The following VEPH1 variants were observed in gnomAD, a reference collection of about 807,000 sequenced individuals.
VEPH1 encodes the protein ventricular zone expressed PH domain containing 1, also known as ventricular zone-expressed PH domain-containing protein homolog 1.
VEPH1 carries 80 observed loss-of-function variants against 85.2 expected under a neutral mutation model. The ratio of observed to expected loss-of-function variants is 0.94; its 90% CI spans 0.78 to 1.13. The LOEUF (loss-of-function observed/expected upper bound fraction) is 1.13. Among genes scored for constraint, VEPH1 ranks in the 50% most tolerant of loss-of-function variants. VEPH1 has a pLI of 0.00. For missense variants in VEPH1, 955 were observed against 980.5 expected (o/e 0.97, Z 0.35); for synonymous variants, 297 against 348.0 (o/e 0.85, Z 1.63).
At chr3:157,438,262 C>T (rs1733831197) in intron 4 of VEPH1, among the ~76,000 whole-genome samples, 1 of 152,038 alleles carries the variant, frequency 6.6e-6, no homozygotes, top group Non-Finnish European at 1.5e-5. Context: ...GTCCACTGGC[C>T]CGTTATAACC....
chr3:157,351,483 C>T (rs544670176), intron 9 of VEPH1, among the ~76,000 whole-genome samples: 9 of 152,232 alleles, frequency 5.9e-5, no homozygotes, highest in East Asian at 3.9e-4. Context: ...CGTGAGCCAC[C>T]GCACTTGGCC....
At chr3:157,354,629 CT>C (rs1725228628) in intron 9 of VEPH1, among the ~76,000 whole-genome samples, 1 of 152,166 alleles carries the variant, frequency 6.6e-6, no homozygotes, top group Non-Finnish European at 1.5e-5. Context: ...TTTATCCCCC[CT>C]CCAACTTGTT....
At chr3:157,323,925 G>A (rs60979231) in intron 9 of VEPH1, among the ~76,000 whole-genome samples, 37,112 of 151,988 alleles carry the variant, frequency 0.24, 4,963 homozygotes, top group South Asian at 0.34. Flanking sequence ...GTGGGGTGAG[G>A]AGCATGCACA....
chr3:157,381,270 A>ATG lies in VEPH1; in HGVS notation c.1012_1013insCA (p.Phe338SerfsTer16), dbSNP rs776125482. 7.4e-6 allele frequency: 12 copies of ATG among 1,613,392 alleles called. No homozygotes were observed. The South Asian group carries it at 1.3e-4, about 18-fold the overall frequency. On this transcript the variant is annotated frameshift_variant, in exon 7 of 14. Transcript: ENST00000362010. LOFTEE classifies it high-confidence loss of function. ...GCTCTGAGGGCCCAAGATTGAGGAGAAGGTGTCGGTGATGCTTTTAATCTC... is the reference window on the plus strand; with the variant it reads ...GCTCTGAGGGCCCAAGATTGAGGAGATGAGGTGTCGGTGATGCTTTTAATCTC...
At chr3:157,388,135 A>G (rs1729497421) in intron 6 of VEPH1, among the ~76,000 whole-genome samples, 1 of 152,208 alleles carries the variant, frequency 6.6e-6, no homozygotes, top group African/African-American at 2.4e-5. Flanking sequence ...CACATCAAAG[A>G]TACACTTGCA....
At chr3:157,496,131 A>G (rs1170565120) in intron 1 of VEPH1, among the ~76,000 whole-genome samples, 2 of 152,270 alleles carry the variant, frequency 1.3e-5, no homozygotes, top group African/African-American at 2.4e-5. Context: ...TCTACTGAAC[A>G]TGAAGATGAA....
In VEPH1 at chr3:157,473,067, C is replaced by CTT. The variant is rs200991031; in HGVS notation, c.139-2540_139-2539dup. Among the ~76,000 whole-genome samples the CTT allele has an allele frequency of 7.4e-3, 609 of 82,674 alleles. 59 individuals are homozygous for CTT. The highest frequency in any genetic ancestry group is 0.028 in the African/African-American group (485 of 17,434). The allele number at this position is 82,674 out of a possible 152,430, so 54.2% of individuals were successfully genotyped here. A position where few individuals can be genotyped will look rare whatever the true frequency, so the allele number is the denominator to read the frequency against. ...ATTAGTTTTTGCTGATTAAATGAAC[C>CTT]TTTTTTTTTTTTTTTTTTTTTTTTT... On this transcript the variant is annotated intron_variant, in intron 2 of 13. Coordinates refer to ENST00000362010, the MANE Select transcript of VEPH1 (RefSeq NM_001167912.2).
At chr3:157,307,431 T>C (rs1169342318) in intron 11 of VEPH1, among the ~76,000 whole-genome samples, 1 of 152,012 alleles carries the variant, frequency 6.6e-6, no homozygotes, top group Non-Finnish European at 1.5e-5. Context: ...AATTGATCTA[T>C]ATGGTGTCTG....
intron 6 of VEPH1, among the ~76,000 whole-genome samples, chr3:157,409,051 A>C (rs1363967947): frequency 6.6e-6 from 1 of 152,042 alleles, no homozygotes; most frequent in African/African-American, 2.4e-5. Flanking sequence ...TTCGTTTATT[A>C]TATTGCTGCT....
At chr3:157,470,598 A>G (rs1369128153) in intron 2 of VEPH1, 69 bp from the exon 3 acceptor site, 14 of 1,477,234 alleles carry the variant, frequency 9.5e-6, no homozygotes, top group Non-Finnish European at 1.3e-5. Flanking sequence ...ACAAAATACT[A>G]ACTCAGTCAT....
At chr3:157,362,047 G>T (rs1050170743) in intron 9 of VEPH1, among the ~76,000 whole-genome samples, 1 of 151,004 alleles carries the variant, frequency 6.6e-6, no homozygotes, top group Admixed American at 6.6e-5. Flanking sequence ...TTTTTGGGTG[G>T]GGGGACAGAG....
chr3:157,301,304 C>T (rs1718772325), intron 11 of VEPH1, among the ~76,000 whole-genome samples: 1 of 152,074 alleles, frequency 6.6e-6, no homozygotes. Context: ...GCAGAGGGTT[C>T]TTATAAAGAG....
At chr3:157,284,631 A>G (rs1171813647) in intron 12 of VEPH1, among the ~76,000 whole-genome samples, 1 of 151,768 alleles carries the variant, frequency 6.6e-6, no homozygotes, top group Non-Finnish European at 1.5e-5. Flanking sequence ...GAAATCAACA[A>G]CCTATATAAA....
At chr3:157,361,665 A>G (rs1443103240) in intron 9 of VEPH1, among the ~76,000 whole-genome samples, 1 of 152,220 alleles carries the variant, frequency 6.6e-6, no homozygotes, top group African/African-American at 2.4e-5. Flanking sequence ...TGTAAAGATT[A>G]TGAGCCTGAG....
chr3:157,363,849 G>C lies in VEPH1; in HGVS notation c.1338-88C>G, dbSNP rs550610907. 3 of 1,471,858 alleles carry C rather than the reference G, an allele frequency of 2.0e-6. No individual in the cohort carries two copies. In the East Asian group the frequency reaches 6.9e-5, roughly 34 times the overall value. The allele number at this position is 1,471,858 out of a possible 1,614,324, so 91.2% of individuals were successfully genotyped here. A position where few individuals can be genotyped will look rare whatever the true frequency, so the allele number is the denominator to read the frequency against. On this transcript the variant is annotated intron_variant, in intron 8 of 13. Transcript: ENST00000362010. Reference sequence around the variant, plus strand: ...AATAATAATAATATTGGGACAAAAAGTTACTTCCTCTGGAGTGTGAAACTA... The same window carrying C: ...AATAATAATAATATTGGGACAAAAACTTACTTCCTCTGGAGTGTGAAACTA...
intron 9 of VEPH1, among the ~76,000 whole-genome samples, chr3:157,355,996 G>A (rs546422585): frequency 6.6e-6 from 1 of 151,390 alleles, no homozygotes; most frequent in East Asian, 2.0e-4. Context: ...ACCTCTTGGA[G>A]TCAAGCGATT....
chr3:157,491,201 T>C (rs1243992631), intron 2 of VEPH1, among the ~76,000 whole-genome samples: 3 of 152,160 alleles, frequency 2.0e-5, no homozygotes, highest in Admixed American at 2.0e-4. Flanking sequence ...TTTTCAATTG[T>C]ACCTAACATG....
In VEPH1 at chr3:157,460,369, A is replaced by G. The variant is rs1685653566; in HGVS notation, c.355-14T>C. On this transcript the variant is annotated splice_polypyrimidine_tract_variant and intron_variant, in intron 3 of 13. Coordinates refer to ENST00000362010, the MANE Select transcript of VEPH1 (RefSeq NM_001167912.2). ...TCGGTTGTAATTCTGAGGAAATATA[A>G]GAAAGCCACAAATAATAAGTGACTC... The G allele has an allele frequency of 6.3e-7, 1 of 1,598,362 alleles. No individual in the cohort carries two copies.
chr3:157,369,191 A>AAAAAAAAAAC (rs1415632671), intron 7 of VEPH1, among the ~76,000 whole-genome samples: 17 of 145,154 alleles, frequency 1.2e-4, no homozygotes, highest in Non-Finnish European at 2.1e-4. Context: ...AAAAAAAAAA[A>AAAAAAAAAAC]AAAAAAAAAA....
Sources: allele counts gnomAD v4.1 joint callset (sites outside exome capture counted in the v4.1 genomes callset), GRCh38; gene constraint gnomAD v4.1.1; transcripts MANE v1.5; gene names NCBI Gene and HGNC (gene_info 2026-07-23, HGNC 2026-07-21).